Variants in RBFOX1 observed in about 807,000 individuals in gnomAD.
RBFOX1 encodes the protein RNA binding protein fox-1 homolog 1.
A neutral mutation model predicts 57.7 loss-of-function variants in RBFOX1; 8 were observed. That is an observed-to-expected ratio of 0.14 (90% CI 0.08 to 0.25). The LOEUF is 0.25. RBFOX1 is among the 10% of genes least tolerant of loss of function. The probability of loss-of-function intolerance (pLI) is 1.00; values close to 1 mark genes in which losing one functional copy is unlikely to be tolerated. For missense variants in RBFOX1, 611 were observed against 548.5 expected (o/e 1.11, Z -1.14); for synonymous variants, 326 against 222.4 (o/e 1.47, Z -4.15).
At chr16:6,874,559 C>G (rs1603635206) in intron 3 of RBFOX1, among the ~76,000 whole-genome samples, 1 of 140,844 alleles carries the variant, frequency 7.1e-6, no homozygotes, top group Non-Finnish European at 1.6e-5. Context: ...GCATTCGCAA[C>G]AACCTGGATG....
At chr16:7,388,243 C>A (rs564505438) in intron 4 of RBFOX1, among the ~76,000 whole-genome samples, 1 of 152,166 alleles carries the variant, frequency 6.6e-6, no homozygotes. Flanking sequence ...GTGATGGATG[C>A]AGCACTCGGT....
At chr16:5,387,384 A>G (rs114553783) in intron 1 of RBFOX1, among the ~76,000 whole-genome samples, 1,886 of 152,302 alleles carry the variant, frequency 0.012, 37 homozygotes, top group African/African-American at 0.043. Flanking sequence ...CCAAGTTGGC[A>G]TGGTGACTCT....
At chr16:7,483,863 T>C (rs1439925978) in intron 4 of RBFOX1, among the ~76,000 whole-genome samples, 1 of 152,226 alleles carries the variant, frequency 6.6e-6, no homozygotes, top group Admixed American at 6.5e-5. Flanking sequence ...GTTTTCAAAA[T>C]TAAGTGATGG....
chr16:6,074,228 A>G (rs187227080), intron 1 of RBFOX1, among the ~76,000 whole-genome samples: 135 of 152,264 alleles, frequency 8.9e-4, no homozygotes, highest in East Asian at 6.8e-3. Context: ...GATTACAGGC[A>G]TGAGCCACAG....
chr16:7,692,076 T>C (rs1362346845), intron 14 of RBFOX1, among the ~76,000 whole-genome samples: 1 of 152,124 alleles, frequency 6.6e-6, no homozygotes, highest in Non-Finnish European at 1.5e-5. Context: ...TTATTGCTCC[T>C]CTAACATAGG....
intron 14 of RBFOX1, among the ~76,000 whole-genome samples, chr16:7,690,091 G>T (rs1238984153): frequency 6.6e-6 from 1 of 152,026 alleles, no homozygotes; most frequent in African/African-American, 2.4e-5. Context: ...GAATCCCTCT[G>T]CCTTGGTGCC....
At chr16:7,161,079 A>C (rs1355577257) in intron 4 of RBFOX1, among the ~76,000 whole-genome samples, 3 of 151,690 alleles carry the variant, frequency 2.0e-5, no homozygotes, top group African/African-American at 7.3e-5. Flanking sequence ...ACTACCTTTC[A>C]TCATATTTGC....
chr16:7,405,198 G>T (rs1370599524), intron 4 of RBFOX1, among the ~76,000 whole-genome samples: 1 of 152,170 alleles, frequency 6.6e-6, no homozygotes. Flanking sequence ...TGACGATACA[G>T]CAGTGTTTGT....
intron 2 of RBFOX1, among the ~76,000 whole-genome samples, chr16:6,390,197 C>G (rs2092525017): frequency 6.6e-6 from 1 of 152,186 alleles, no homozygotes; most frequent in South Asian, 2.1e-4. Context: ...TCTATTTATG[C>G]ACATGCAATG....
At chr16:6,895,364 G>C (rs925154309) in intron 3 of RBFOX1, among the ~76,000 whole-genome samples, 1 of 148,146 alleles carries the variant, frequency 6.8e-6, no homozygotes, top group African/African-American at 2.5e-5. Flanking sequence ...GCAGATAGGA[G>C]AACTAACTGG....
At chr16:7,456,954 G>A (rs1047792820) in intron 4 of RBFOX1, among the ~76,000 whole-genome samples, 2 of 151,776 alleles carry the variant, frequency 1.3e-5, no homozygotes, top group South Asian at 2.1e-4. Flanking sequence ...GCAATGGCGC[G>A]ATCCCGGCTC....
At chr16:7,710,209 C>T in intron 15 of RBFOX1, 2 of 1,034,528 alleles carry the variant, frequency 1.9e-6, no homozygotes, top group Non-Finnish European at 2.3e-6. Context: ...AGATTTTCAT[C>T]CCAATTCTGC....
intron 1 of RBFOX1, among the ~76,000 whole-genome samples, chr16:6,214,872 C>T (rs1272405469): frequency 1.1e-4 from 5 of 43,946 alleles, no homozygotes; most frequent in African/African-American, 3.8e-4. Context: ...AGGGAGAAGG[C>T]GAGGGGAGAA....
intron 4 of RBFOX1, among the ~76,000 whole-genome samples, chr16:5,907,875 C>A (rs958905593): frequency 6.6e-6 from 1 of 151,768 alleles, no homozygotes; most frequent in Non-Finnish European, 1.5e-5. Context: ...CTCAGCCTCC[C>A]AGCTAGCTAG....
intron 1 of RBFOX1, among the ~76,000 whole-genome samples, chr16:6,149,343 C>G (rs942939286): frequency 6.6e-6 from 1 of 152,234 alleles, no homozygotes; most frequent in African/African-American, 2.4e-5. Context: ...GTAACTTAAT[C>G]TTGCCTCCTA....
intron 4 of RBFOX1, among the ~76,000 whole-genome samples, chr16:7,267,534 T>G (rs1461557561): frequency 6.6e-6 from 1 of 151,270 alleles, no homozygotes; most frequent in African/African-American, 2.4e-5. Flanking sequence ...AGACTCTATC[T>G]CGACAAAAAA....
chr16:6,313,946 G>T (rs1422418585), intron 1 of RBFOX1, among the ~76,000 whole-genome samples: 2 of 152,106 alleles, frequency 1.3e-5, no homozygotes, highest in Non-Finnish European at 2.9e-5. Flanking sequence ...ATGGTTCTCA[G>T]CCTCTGTTTT....
At position 6,408,548 on chromosome 16, in the gene RBFOX1, C is replaced by T. The variant is rs375498382; in HGVS notation, c.-64+91491C>T. ...AAGCAGACACTTTGACTTTTCAGAG[C>T]GTTATTGATGGAACAAATGTAGTTT... On this transcript the variant is annotated intron_variant, in intron 2 of 15. Transcript: ENST00000550418. 5.9e-5 allele frequency among the ~76,000 whole-genome samples: 9 copies of T among 152,180 alleles called. No individual in the cohort carries two copies. In the East Asian group the frequency reaches 1.5e-3, roughly 26 times the overall value.
intron 12 of RBFOX1, among the ~76,000 whole-genome samples, chr16:7,660,059 G>T (rs935940748): frequency 6.6e-6 from 1 of 152,098 alleles, no homozygotes; most frequent in African/African-American, 2.4e-5. Context: ...TAGAACAATT[G>T]TAAACAGCCT....
Sources: allele counts gnomAD v4.1 joint callset (sites outside exome capture counted in the v4.1 genomes callset), GRCh38; gene constraint gnomAD v4.1.1; transcripts MANE v1.5; gene names NCBI Gene and HGNC (gene_info 2026-07-23, HGNC 2026-07-21).